FHOD3: variants seen among roughly 807,000 people sequenced by gnomAD.
The protein encoded by FHOD3 is FH1/FH2 domain-containing protein 3.
A neutral mutation model predicts 173.0 loss-of-function variants in FHOD3; 90 were observed. The ratio of observed to expected loss-of-function variants is 0.52; its 90% confidence interval spans 0.44 to 0.62. The LOEUF is 0.62. Ranked by LOEUF, FHOD3 falls within the 20% of genes least tolerant of loss-of-function variation. The pLI, the probability that FHOD3 is intolerant of heterozygous loss-of-function variation, is 0.00. For synonymous variants in FHOD3, 828 were observed against 823.0 expected, an observed-to-expected ratio of 1.01 and a Z score of -0.10; for missense variants, 1,945 against 2,034.7, an observed-to-expected ratio of 0.96 and a Z score of 0.85.
chr18:36,602,987 A>G lies in FHOD3; in HGVS notation c.813+219A>G, dbSNP rs539816598. On this transcript the variant is annotated intron_variant, in intron 8 of 28. Transcript: ENST00000590592. ...TGAACATGCAAAGAAGACAGCCACA[A>G]GAGGACAGGCAGAGGTCAGAATAAT... is the stretch of plus-strand genomic sequence containing the variant. 4.8e-4 allele frequency among the ~76,000 whole-genome samples: 73 copies of G among 152,316 alleles called. 1 individual carries two copies. The highest frequency in any genetic ancestry group is 1.7e-3 in the African/African-American group (71 of 41,574).
chr18:36,610,330 A>G (rs1016866056), intron 8 of FHOD3, among the ~76,000 whole-genome samples: 1 of 152,188 alleles, frequency 6.6e-6, no homozygotes, highest in Non-Finnish European at 1.5e-5. Context: ...AAAGCAAAGG[A>G]TGATAGGATT....
intron 5 of FHOD3, among the ~76,000 whole-genome samples, chr18:36,574,411 A>G (rs915673887): frequency 3.3e-5 from 5 of 152,154 alleles, no homozygotes; most frequent in Admixed American, 3.3e-4. Flanking sequence ...CTCTCATATA[A>G]AATGCCTTTT....
chr18:36,602,709 G>C lies in FHOD3; in HGVS notation c.754G>C (p.Glu252Gln). Residue 252 changes from glutamate (E) to glutamine (Q), a missense_variant, in exon 8 of 29, where the codon GAG (glutamate) becomes CAG (glutamine). This residue lies in a region of FHOD3 where 1,099 missense variants were observed against 1,051.2 expected (regional missense o/e 1.05). Coordinates refer to ENST00000590592, the MANE Select transcript of FHOD3 (RefSeq NM_001281740.3). ...TTGGTCAAATATCATGGAAATCCTG[G>C]AGGAAAAAGATGGAGTTGATACGGA... The part of the protein sequence containing the change: ...KPWSNIMEIL[E>Q]EKDGVDTELL... The C allele has an allele frequency of 6.2e-7, 1 of 1,614,166 alleles. No homozygotes were observed.
intron 18 of FHOD3, among the ~76,000 whole-genome samples, chr18:36,713,110 A>T (rs2040261176): frequency 6.6e-6 from 1 of 152,242 alleles, no homozygotes; most frequent in South Asian, 2.1e-4. Flanking sequence ...ATCCTCAAAG[A>T]ATTACTACCG....
At chr18:36,649,231 G>GCTTCAT in intron 10 of FHOD3, 85 bp from the exon 11 acceptor site, 1 of 690,676 alleles carries the variant, frequency 1.4e-6, no homozygotes, top group East Asian at 3.6e-5. Flanking sequence ...TGTTGTTTTT[G>GCTTCAT]CTTCATCTTC....
intron 17 of FHOD3, among the ~76,000 whole-genome samples, chr18:36,698,547 G>A (rs947179579): frequency 1.3e-5 from 2 of 152,078 alleles, no homozygotes; most frequent in Non-Finnish European, 2.9e-5. Flanking sequence ...CTATGGTCTC[G>A]CCACAGCACT....
intron 28 of FHOD3, among the ~76,000 whole-genome samples, chr18:36,775,093 C>T (rs2043565858): frequency 1.3e-5 from 2 of 152,164 alleles, no homozygotes; most frequent in African/African-American, 4.8e-5. Flanking sequence ...AAGCCCGGGA[C>T]CTCCCAGCCA....
chr18:36,679,804 G>C (rs1448189064), intron 14 of FHOD3, among the ~76,000 whole-genome samples: 2 of 151,870 alleles, frequency 1.3e-5, no homozygotes, highest in Non-Finnish European at 2.9e-5. Flanking sequence ...CACAATTGAT[G>C]GTCAATTTTT....
At chr18:36,478,717 T>C (rs2053721870) in intron 3 of FHOD3, among the ~76,000 whole-genome samples, 1 of 152,326 alleles carries the variant, frequency 6.6e-6, no homozygotes, top group South Asian at 2.1e-4. Flanking sequence ...TTAAAACTGC[T>C]TGGTGGCTTT....
intron 2 of FHOD3, among the ~76,000 whole-genome samples, chr18:36,364,389 G>T (rs1199100479): frequency 6.6e-6 from 1 of 152,142 alleles, no homozygotes; most frequent in East Asian, 1.9e-4. Context: ...GGAAAGGGAC[G>T]AAGGGAGTGC....
At chr18:36,719,487 C>T (rs995617145) in intron 19 of FHOD3, among the ~76,000 whole-genome samples, 5 of 152,192 alleles carry the variant, frequency 3.3e-5, no homozygotes, top group East Asian at 1.9e-4. Flanking sequence ...GAGACTTCTT[C>T]GCCTATCTTA....
intron 8 of FHOD3, among the ~76,000 whole-genome samples, chr18:36,606,336 A>G (rs543674542): frequency 6.6e-6 from 1 of 152,074 alleles, no homozygotes; most frequent in South Asian, 2.1e-4. Context: ...CCTTTTTGCC[A>G]TGCCATCCAT....
intron 1 of FHOD3, among the ~76,000 whole-genome samples, chr18:36,300,357 C>T (rs1373345575): frequency 6.6e-6 from 1 of 152,206 alleles, no homozygotes; most frequent in Non-Finnish European, 1.5e-5. Context: ...CTTCAAGGGC[C>T]AAGCACTTTT....
At position 36,749,823 on chromosome 18, in the gene FHOD3, T is replaced by C. The variant is rs184439275; in HGVS notation, c.4232+2688T>C. Among the ~76,000 whole-genome samples, 229 of 152,326 alleles carry C rather than the reference T, an allele frequency of 1.5e-3. 1 individual carries two copies. Among genetic ancestry groups the C allele is most frequent in the African/African-American group, 5.2e-3 (218 of 41,568 alleles). On this transcript the variant is annotated intron_variant, in intron 24 of 28. Transcript: ENST00000590592. ...AACCGAGTATAAGTGTTCCTTTTTT[T>C]CCACAACTTCACCAACATCTGTTAT...
intron 15 of FHOD3, among the ~76,000 whole-genome samples, chr18:36,682,248 C>T (rs1479368629): frequency 1.3e-5 from 2 of 152,192 alleles, no homozygotes; most frequent in South Asian, 2.1e-4. Flanking sequence ...ATCCCCTGGG[C>T]TTCATGCTGT....
intron 3 of FHOD3, among the ~76,000 whole-genome samples, chr18:36,497,685 C>G (rs984223020): frequency 2.4e-4 from 37 of 152,236 alleles, no homozygotes; most frequent in African/African-American, 8.9e-4. Flanking sequence ...CACCTACCAA[C>G]AGAACTTCAA....
intron 27 of FHOD3, 86 bp from the exon 28 acceptor site, chr18:36,769,179 C>T: frequency 6.7e-7 from 1 of 1,490,954 alleles, no homozygotes; most frequent in Non-Finnish European, 9.2e-7. Flanking sequence ...GCTGAAAGAA[C>T]TCAACTGCTT....
At chr18:36,401,814 C>G (rs981990645) in intron 3 of FHOD3, among the ~76,000 whole-genome samples, 1 of 152,136 alleles carries the variant, frequency 6.6e-6, no homozygotes, top group African/African-American at 2.4e-5. Flanking sequence ...ACAGAGTGGC[C>G]GTCATTACTG....
intron 17 of FHOD3, among the ~76,000 whole-genome samples, chr18:36,695,999 G>T (rs1012222069): frequency 1.3e-5 from 2 of 152,212 alleles, no homozygotes; most frequent in African/African-American, 4.8e-5. Flanking sequence ...AAACGTGCCA[G>T]GGATTGCCTT....
Sources: allele counts gnomAD v4.1 joint callset (sites outside exome capture counted in the v4.1 genomes callset), GRCh38; gene constraint gnomAD v4.1.1; regional missense constraint gnomAD v4.1.1; transcripts MANE v1.5; gene names NCBI Gene and HGNC (gene_info 2026-07-23, HGNC 2026-07-21).